Variants in TNRC6A observed in about 807,000 individuals in gnomAD.
TNRC6A encodes trinucleotide repeat containing adaptor 6A.
TNRC6A carries 44 observed loss-of-function variants against 221.2 expected under a neutral mutation model. The observed-to-expected ratio is 0.20, with a 90% CI of 0.16 to 0.26. TNRC6A has a LOEUF of 0.26. Ranked by LOEUF, TNRC6A falls within the 10% of genes least tolerant of loss-of-function variation. The probability of loss-of-function intolerance (pLI) is 1.00; values close to 1 mark genes in which losing one functional copy is unlikely to be tolerated. For missense variants in TNRC6A, 2,199 were observed against 2,404.4 expected (o/e 0.91, Z 1.79); for synonymous variants, 847 against 838.5 (o/e 1.01, Z -0.18).
intron 2 of TNRC6A, among the ~76,000 whole-genome samples, chr16:24,643,129 TATATATATAA>T (rs1426158882): frequency 6.9e-4 from 30 of 43,680 alleles, no homozygotes; most frequent in South Asian, 4.0e-3. Context: ...ATATAAAATA[TATATATATAA>T]AAAATCCATC....
At chr16:24,740,134 A>G (rs1048951269) in intron 2 of TNRC6A, among the ~76,000 whole-genome samples, 1 of 152,180 alleles carries the variant, frequency 6.6e-6, no homozygotes, top group African/African-American at 2.4e-5. Flanking sequence ...TGTTGATACT[A>G]TGTGTTCATC....
At chr16:24,806,164 A>G in intron 15 of TNRC6A, 42 bp from the exon 16 acceptor site, 1 of 1,607,848 alleles carries the variant, frequency 6.2e-7, no homozygotes, top group South Asian at 1.1e-5. Flanking sequence ...CACACTTTGT[A>G]ATGGTGTGAT....
At chr16:24,718,882 CA>C (rs1216135850) in intron 2 of TNRC6A, among the ~76,000 whole-genome samples, 2 of 151,306 alleles carry the variant, frequency 1.3e-5, no homozygotes, top group Non-Finnish European at 3.0e-5. Flanking sequence ...ACTAAAAATA[CA>C]AAAATTAGCC....
At chr16:24,669,771 G>GTTTTA (rs1449990294) in intron 2 of TNRC6A, among the ~76,000 whole-genome samples, 1 of 151,718 alleles carries the variant, frequency 6.6e-6, no homozygotes, top group Admixed American at 6.6e-5. Flanking sequence ...AACAGTACTT[G>GTTTTA]TTTTAGTAGT....
At chr16:24,758,489 G>A in intron 4 of TNRC6A, 129 bp downstream of exon 4, 1 of 926,226 alleles carries the variant, frequency 1.1e-6, no homozygotes, top group Non-Finnish European at 1.7e-6. Context: ...GCCTTCTTCA[G>A]TAACATACCC....
chr16:24,774,189 T>C (rs2057673169), intron 4 of TNRC6A, among the ~76,000 whole-genome samples: 1 of 152,218 alleles, frequency 6.6e-6, no homozygotes, highest in South Asian at 2.1e-4. Flanking sequence ...CATGCCAGTA[T>C]TAGTCAGTAT....
intron 5 of TNRC6A, among the ~76,000 whole-genome samples, chr16:24,779,373 T>G (rs1222773507): frequency 6.6e-6 from 1 of 152,224 alleles, no homozygotes; most frequent in Non-Finnish European, 1.5e-5. Flanking sequence ...AGATTTGTAC[T>G]TTTGTCTCTT....
chr16:24,743,389 T>A (rs2056933335), intron 2 of TNRC6A, among the ~76,000 whole-genome samples: 1 of 152,192 alleles, frequency 6.6e-6, no homozygotes, highest in South Asian at 2.1e-4. Context: ...TGTGGAATGA[T>A]CTTAGCTCAC....
chr16:24,687,157 G>A (rs2055643298), intron 2 of TNRC6A, among the ~76,000 whole-genome samples: 1 of 152,098 alleles, frequency 6.6e-6, no homozygotes, highest in Non-Finnish European at 1.5e-5. Context: ...GAGATACTAG[G>A]TCTCCCTAGG....
chr16:24,643,114 TATATATATAAA>T (rs764094458), intron 2 of TNRC6A, among the ~76,000 whole-genome samples: 1 of 134,894 alleles, frequency 7.4e-6, no homozygotes, highest in Non-Finnish European at 1.5e-5. Context: ...ATATAAAATA[TATATATATAAA>T]ATATATATAT....
At chr16:24,696,509 T>C (rs1314776812) in intron 2 of TNRC6A, among the ~76,000 whole-genome samples, 1 of 151,278 alleles carries the variant, frequency 6.6e-6, no homozygotes, top group African/African-American at 2.4e-5. Context: ...GGTGGGAGGA[T>C]TGCTTAAGGC....
intron 3 of TNRC6A, among the ~76,000 whole-genome samples, chr16:24,754,104 A>G (rs1364105725): frequency 6.6e-6 from 1 of 152,194 alleles, no homozygotes; most frequent in Non-Finnish European, 1.5e-5. Flanking sequence ...ATAGGTTCTT[A>G]TACCATGAAT....
intron 2 of TNRC6A, among the ~76,000 whole-genome samples, chr16:24,703,877 A>G (rs2056038333): frequency 1.3e-5 from 2 of 151,728 alleles, no homozygotes; most frequent in South Asian, 4.2e-4. Flanking sequence ...TGAGGTCAGG[A>G]GTTCAAGACC....
At chr16:24,677,906 G>A (rs1308465357) in intron 2 of TNRC6A, among the ~76,000 whole-genome samples, 1 of 152,030 alleles carries the variant, frequency 6.6e-6, no homozygotes, top group East Asian at 1.9e-4. Flanking sequence ...GTTTTGGTAG[G>A]TGTCCTGCAA....
At chr16:24,815,434 C>T in intron 19 of TNRC6A, 129 bp downstream of exon 19, 1 of 1,085,910 alleles carries the variant, frequency 9.2e-7, no homozygotes, top group Non-Finnish European at 1.4e-6. Context: ...AGAAGGAATG[C>T]AGAAGTGATT....
intron 2 of TNRC6A, among the ~76,000 whole-genome samples, chr16:24,670,753 C>T (rs545236924): frequency 2.2e-4 from 34 of 152,234 alleles, no homozygotes; most frequent in Non-Finnish European, 4.1e-4. Flanking sequence ...CTGTGCATCA[C>T]GCATCAGCTG....
intron 2 of TNRC6A, among the ~76,000 whole-genome samples, chr16:24,704,851 TCTC>T (rs1421661670): frequency 6.6e-6 from 1 of 151,352 alleles, no homozygotes; most frequent in African/African-American, 2.4e-5. Context: ...TAACAGAAAA[TCTC>T]AGCACACTAG....
chr16:24,653,179 C>A (rs868393403), intron 2 of TNRC6A, among the ~76,000 whole-genome samples: 5 of 152,056 alleles, frequency 3.3e-5, no homozygotes, highest in Non-Finnish European at 5.9e-5. Context: ...ATAACCCCAA[C>A]AAAGACAGCA....
chr16:24,700,674 T>C lies in TNRC6A; in HGVS notation n.403-50052T>C, dbSNP rs2142208086. 2.0e-5 allele frequency among the ~76,000 whole-genome samples: 3 copies of C among 152,260 alleles called. No homozygotes were observed. The Middle Eastern group carries it at 0.01, about 518-fold the overall frequency. On this transcript the variant is annotated intron_variant and non_coding_transcript_variant, in intron 2 of 2. Coordinates refer to the TNRC6A transcript ENST00000566108. ...GAGGTGCCATATTGGCTGTGCTCAG[T>C]AACTAGGCTCAAAGTGCTGACCGCT...
Sources: allele counts gnomAD v4.1 joint callset (sites outside exome capture counted in the v4.1 genomes callset), GRCh38; gene constraint gnomAD v4.1.1; transcripts MANE v1.5; gene names NCBI Gene and HGNC (gene_info 2026-07-23, HGNC 2026-07-21).